Variants in C2CD3 observed in about 807,000 individuals in gnomAD.
The protein encoded by C2CD3 is C2 domain containing 3 centriole elongation regulator, also known as C2 domain-containing protein 3.
C2CD3 carries 148 observed loss-of-function variants against 234.0 expected under a neutral mutation model. The ratio of observed to expected loss-of-function variants is 0.63; its 90% CI spans 0.55 to 0.72. The LOEUF (loss-of-function observed/expected upper bound fraction) is 0.72, where lower values mean the gene tolerates loss of function less well. Among genes scored for constraint, C2CD3 ranks in the 30% least tolerant of loss-of-function variants. The probability of loss-of-function intolerance (pLI) is 0.00; values close to 1 mark genes in which losing one functional copy is unlikely to be tolerated. For synonymous variants in C2CD3, 1,000 were observed against 1,035.4 expected (o/e 0.97, Z 0.66); for missense variants, 2,577 against 2,811.5 (o/e 0.92, Z 1.89).
chr11:74,086,366 C>T (rs183840392), intron 20 of C2CD3, among the ~76,000 whole-genome samples: 269 of 152,268 alleles, frequency 1.8e-3, no homozygotes, highest in African/African-American at 5.5e-3. Context: ...CTTATCTAGA[C>T]GGAGGGAATA....
chr11:74,049,661 T>G, intron 26 of C2CD3, 119 bp from the exon 27 acceptor site: 2 of 731,162 alleles, frequency 2.7e-6, no homozygotes, highest in Non-Finnish European at 4.5e-6. Context: ...CCCAAAGCCA[T>G]CAGAGAAGAC....
chr11:74,032,896 G>A (rs923227984), intron 31 of C2CD3, among the ~76,000 whole-genome samples: 1 of 150,724 alleles, frequency 6.6e-6, no homozygotes, highest in Non-Finnish European at 1.5e-5. Flanking sequence ...CAATAACTGA[G>A]CATCAGTTTC....
intron 32 of C2CD3, among the ~76,000 whole-genome samples, chr11:74,013,870 C>A (rs1286108287): frequency 1.3e-5 from 2 of 152,154 alleles, no homozygotes; most frequent in Non-Finnish European, 2.9e-5. Flanking sequence ...AATCCTCATC[C>A]CTTCTCCTGT....
At position 74,033,857 on chromosome 11, in the gene C2CD3, C is replaced by T; in HGVS notation, c.6303G>A (p.Gln2101=). 2 of 1,536,212 alleles carry T rather than the reference C, an allele frequency of 1.3e-6. No individual in the cohort carries two copies. The highest frequency in any genetic ancestry group is 1.7e-6 in the Non-Finnish European group (2 of 1,146,924). The change falls in exon 31 of 33, where the codon CAG becomes CAA. Residue 2101 remains glutamine, a synonymous_variant. Transcript: ENST00000334126. ...GGCCTTCCCTCTGCACCTCGTCAGG[C>T]TGAGGGCTGATGACCTCACTTGTGT... The part of the protein sequence containing the change: ...ISDTSEVISP[Q]PDEVQREGPS...
chr11:74,054,082 C>T (rs1953834133), intron 26 of C2CD3, among the ~76,000 whole-genome samples: 1 of 151,920 alleles, frequency 6.6e-6, no homozygotes, highest in Non-Finnish European at 1.5e-5. Context: ...ACCACCCTGG[C>T]TAACACGCTG....
At chr11:74,038,475 A>G (rs1952852752) in intron 29 of C2CD3, among the ~76,000 whole-genome samples, 1 of 152,188 alleles carries the variant, frequency 6.6e-6, no homozygotes, top group Non-Finnish European at 1.5e-5. Flanking sequence ...TAAATAAGCA[A>G]CTTGAGTTTC....
At chr11:74,146,660 T>C (rs1855206684) in intron 3 of C2CD3, among the ~76,000 whole-genome samples, 1 of 151,542 alleles carries the variant, frequency 6.6e-6, no homozygotes, top group Non-Finnish European at 1.5e-5. Context: ...CAGATAACCA[T>C]AAAGCTATTT....
intron 2 of C2CD3, among the ~76,000 whole-genome samples, chr11:74,163,407 T>G (rs1199148070): frequency 2.6e-5 from 4 of 152,330 alleles, no homozygotes; most frequent in East Asian, 1.9e-4. Context: ...CAACTTGATA[T>G]GGTTTGGCTG....
intron 32 of C2CD3, among the ~76,000 whole-genome samples, chr11:74,018,901 C>T (rs1231349166): frequency 1.3e-5 from 2 of 152,122 alleles, no homozygotes; most frequent in South Asian, 2.1e-4. Context: ...CCGATATGCT[C>T]CCTCCGTGCC....
At chr11:74,109,297 CT>C (rs1956656011) in intron 11 of C2CD3, 145 bp from the exon 12 acceptor site, 1 of 578,134 alleles carries the variant, frequency 1.7e-6, no homozygotes, top group Non-Finnish European at 3.1e-6. Flanking sequence ...ACAGAAAGTG[CT>C]AGGGTTGTAG....
chr11:74,128,274 T>C (rs1957484277), intron 7 of C2CD3, among the ~76,000 whole-genome samples: 1 of 152,238 alleles, frequency 6.6e-6, no homozygotes, highest in South Asian at 2.1e-4. Context: ...GTTATTTATA[T>C]GTTCTATATA....
intron 28 of C2CD3, among the ~76,000 whole-genome samples, chr11:74,044,870 C>T (rs994378330): frequency 6.7e-5 from 10 of 148,992 alleles, no homozygotes; most frequent in African/African-American, 2.0e-4. Context: ...ATCCACGTTG[C>T]TGCAAAGAAC....
chr11:74,068,481 TAGAG>T (rs1954640614), intron 24 of C2CD3, among the ~76,000 whole-genome samples: 1 of 152,136 alleles, frequency 6.6e-6, no homozygotes. Context: ...TGCCCAGGGT[TAGAG>T]AGAGGAGTTG....
chr11:74,130,150 G>GA (rs1263161644), intron 7 of C2CD3, among the ~76,000 whole-genome samples: 1 of 142,728 alleles, frequency 7.0e-6, no homozygotes, highest in Non-Finnish European at 1.5e-5. Flanking sequence ...AGGGAGAGGG[G>GA]AGAGGGGAGA....
chr11:74,053,371 A>T (rs561367599), intron 26 of C2CD3, among the ~76,000 whole-genome samples: 61 of 152,344 alleles, frequency 4.0e-4, no homozygotes, highest in Admixed American at 7.2e-4. Context: ...AGGTACTATT[A>T]TTAGCCTCAA....
intron 23 of C2CD3, among the ~76,000 whole-genome samples, chr11:74,074,971 CT>C (rs780339012): frequency 6.6e-5 from 10 of 152,086 alleles, no homozygotes; most frequent in Middle Eastern, 3.2e-3. Context: ...GCAGTCCCAG[CT>C]ACTCAGGAGG....
At position 74,168,348 on chromosome 11, in the gene C2CD3, T is replaced by G; in HGVS notation, c.321A>C (p.Leu107=). The G allele has an allele frequency of 6.2e-7, 1 of 1,613,006 alleles. No individual in the cohort carries two copies. The highest frequency in any genetic ancestry group is 1.1e-5 in the South Asian group (1 of 91,070). ...AATGATAAAACAATAACATACCTGT[T>G]AGATAAGAGGTAAACTGTTTTGGAC... ...RCGPKQFTSY[L]TDMAVLVLEV... The change falls in exon 2 of 33, where the codon CTA becomes CTC. Residue 107 remains leucine (L), a synonymous_variant. Coordinates refer to ENST00000334126, the MANE Select transcript of C2CD3 (RefSeq NM_001286577.2).
rs777298122 is a variant in C2CD3 at position 74,098,249 on chromosome 11, A to G, written c.2739T>C (p.Ala913=). 1.4e-5 allele frequency: 22 copies of G among 1,613,978 alleles called. No homozygotes were observed. Among genetic ancestry groups the G allele is most frequent in the Admixed American group, 1.7e-5 (1 of 60,000 alleles). Reference sequence around the variant, plus strand: ...CATCCAGCAGCAGGCGAGAAATCTTAGCATCTCTAGAGGGGGAGAAATTGT... The same window carrying G: ...CATCCAGCAGCAGGCGAGAAATCTTGGCATCTCTAGAGGGGGAGAAATTGT... ...LHQFYMSFKD[A]KISRLLLDAQ... The change falls in exon 16 of 33, where the codon GCT becomes GCC. Residue 913 remains alanine, a synonymous_variant. Coordinates refer to ENST00000334126, the MANE Select transcript of C2CD3 (RefSeq NM_001286577.2).
At chr11:74,078,825 C>G in intron 22 of C2CD3, 108 bp from the exon 23 acceptor site, 3 of 1,013,754 alleles carry the variant, frequency 3.0e-6, no homozygotes, top group Non-Finnish European at 4.2e-6. Flanking sequence ...CAAGACAGAA[C>G]AGAAAACATA....
Sources: allele counts gnomAD v4.1 joint callset (sites outside exome capture counted in the v4.1 genomes callset), GRCh38; gene constraint gnomAD v4.1.1; transcripts MANE v1.5; gene names NCBI Gene and HGNC (gene_info 2026-07-23, HGNC 2026-07-21).